Variants in PTP4A1 observed in about 807,000 individuals in gnomAD.
PTP4A1 encodes protein tyrosine phosphatase 4A1.
PTP4A1 carries 9 observed loss-of-function variants against 20.5 expected under a neutral mutation model. The observed-to-expected ratio is 0.44, with a 90% CI of 0.26 to 0.77. The LOEUF (loss-of-function observed/expected upper bound fraction) is 0.77, where lower values mean the gene tolerates loss of function less well. Among genes scored for constraint, PTP4A1 ranks in the 30% least tolerant of loss-of-function variants. The pLI, the probability that PTP4A1 is intolerant of heterozygous loss-of-function variation, is 0.19. For synonymous variants in PTP4A1, 78 were observed against 67.4 expected, an observed-to-expected ratio of 1.16 and a Z score of -0.77; for missense variants, 137 against 218.8, an observed-to-expected ratio of 0.63 and a Z score of 2.36.
At chr6:63,533,580 G>C (rs924722707) in intron 2 of PTP4A1, among the ~76,000 whole-genome samples, 1 of 152,082 alleles carries the variant, frequency 6.6e-6, no homozygotes, top group Non-Finnish European at 1.5e-5. Flanking sequence ...TGAATACAAA[G>C]CTATTTAACT....
chr6:63,562,052 A>T (rs996564761), intron 3 of PTP4A1, among the ~76,000 whole-genome samples: 5 of 152,220 alleles, frequency 3.3e-5, no homozygotes, highest in African/African-American at 1.2e-4. Context: ...GTTTATCATC[A>T]CATCACCCAG....
At chr6:63,542,021 T>TGG (rs1400790512) in intron 2 of PTP4A1, among the ~76,000 whole-genome samples, 1 of 88,912 alleles carries the variant, frequency 1.1e-5, no homozygotes, top group Non-Finnish European at 2.1e-5. Flanking sequence ...AAAGAAACTG[T>TGG]GGTGTGTGTG....
At chr6:63,546,495 A>G (rs1275520629) in intron 2 of PTP4A1, among the ~76,000 whole-genome samples, 1 of 152,156 alleles carries the variant, frequency 6.6e-6, no homozygotes. Context: ...CACTTGAGGC[A>G]AGGAGTTCGA....
At chr6:63,520,796 T>C (rs1342028627), upstream of PTP4A1, among the ~76,000 whole-genome samples, 1 of 152,174 alleles carries the variant, frequency 6.6e-6, no homozygotes, top group Non-Finnish European at 1.5e-5. Context: ...TTTTTAATTT[T>C]TTGCCTTGTA....
chr6:63,522,830 C>T (rs552181805), intron 1 of PTP4A1, among the ~76,000 whole-genome samples: 2 of 149,292 alleles, frequency 1.3e-5, no homozygotes, highest in Non-Finnish European at 3.0e-5. Context: ...ACTTTGAGGT[C>T]GTGAAATGAT....
In PTP4A1 at chr6:63,535,738, A is replaced by T. The variant is rs1160429313; in HGVS notation, c.-640+7654A>T. Among the ~76,000 whole-genome samples, 6 of 152,322 alleles carry T rather than the reference A, an allele frequency of 3.9e-5. No homozygotes were observed. The East Asian group carries it at 9.7e-4, about 25-fold the overall frequency. On this transcript the variant is annotated intron_variant, in intron 2 of 3. Transcript: ENST00000639568. The stretch of plus-strand genomic sequence containing the variant: ...TGTGCCTTTGTGATATCAAAGGATC[A>T]CAAAGCTGACAGCCTTCCGGAAGAT...
At chr6:63,529,823 A>C (rs963918733) in intron 2 of PTP4A1, among the ~76,000 whole-genome samples, 2 of 152,194 alleles carry the variant, frequency 1.3e-5, no homozygotes, top group African/African-American at 2.4e-5. Context: ...TACGTGCGTA[A>C]GAGGAATTGG....
chr6:63,575,354 A>AC (rs1777786627), intron 1 of PTP4A1, among the ~76,000 whole-genome samples: 1 of 152,242 alleles, frequency 6.6e-6, no homozygotes, highest in Non-Finnish European at 1.5e-5. Context: ...ACTCCCGAGT[A>AC]CACAAGTACC....
At chr6:63,531,670 T>C (rs1429145268) in intron 2 of PTP4A1, among the ~76,000 whole-genome samples, 1 of 151,982 alleles carries the variant, frequency 6.6e-6, no homozygotes, top group East Asian at 1.9e-4. Flanking sequence ...TTCATACTTT[T>C]TTGTAGGGAT....
chr6:63,576,573 A>G lies in PTP4A1; in HGVS notation c.-308A>G, dbSNP rs1201643459. ...ACTGCTCCACCAAGAAGCCCCCATA[A>G]GAGTGGTTATCCTGGACACAGAAGT... On this transcript the variant is annotated 5_prime_UTR_variant, in exon 2 of 6. Transcript: ENST00000626021. 2.2e-6 allele frequency: 1 copy of G among 456,522 alleles called. No homozygotes were observed. The highest frequency in any genetic ancestry group is 3.8e-6 in the Non-Finnish European group (1 of 260,410). 28.3% of individuals were successfully genotyped at this position (456,522 alleles called of 1,614,324 possible). A position where few individuals can be genotyped will look rare whatever the true frequency, so the allele number is the denominator to read the frequency against.
At chr6:63,568,187 C>T (rs1281653181), upstream of PTP4A1, among the ~76,000 whole-genome samples, 2 of 152,216 alleles carry the variant, frequency 1.3e-5, no homozygotes, top group Non-Finnish European at 2.9e-5. Context: ...GCATTCACAA[C>T]TTGACTGTTT....
intron 2 of PTP4A1, among the ~76,000 whole-genome samples, chr6:63,531,284 T>C (rs1460131475): frequency 6.6e-6 from 1 of 152,102 alleles, no homozygotes; most frequent in Non-Finnish European, 1.5e-5. Flanking sequence ...TAGTGGGGAA[T>C]AGATGGAATG....
upstream of PTP4A1, among the ~76,000 whole-genome samples, chr6:63,520,630 C>CAAAT (rs201294226): frequency 0.14 from 18,944 of 138,884 alleles, 1,318 homozygotes; most frequent in South Asian, 0.2. Flanking sequence ...GACTCTGTCT[C>CAAAT]AAATAAATAA....
At chr6:63,527,552 A>C (rs1436926999) in intron 1 of PTP4A1, among the ~76,000 whole-genome samples, 1 of 152,192 alleles carries the variant, frequency 6.6e-6, no homozygotes, top group Admixed American at 6.5e-5. Context: ...TTATAAAATA[A>C]TATTTTCACT....
intron 1 of PTP4A1, among the ~76,000 whole-genome samples, chr6:63,523,905 T>G (rs1775048570): frequency 6.6e-6 from 1 of 152,194 alleles, no homozygotes; most frequent in Non-Finnish European, 1.5e-5. Context: ...AATGTTTTAT[T>G]GTCATTCTCA....
intron 2 of PTP4A1, among the ~76,000 whole-genome samples, chr6:63,542,243 A>G (rs2149484598): frequency 6.6e-6 from 1 of 152,216 alleles, no homozygotes; most frequent in Non-Finnish European, 1.5e-5. Flanking sequence ...AGGCATAGGA[A>G]TGACACAATG....
chr6:63,560,046 T>C (rs2149495064), intron 3 of PTP4A1, among the ~76,000 whole-genome samples: 1 of 152,312 alleles, frequency 6.6e-6, no homozygotes, highest in Non-Finnish European at 1.5e-5. Flanking sequence ...CCCACGGTAA[T>C]GCATTTCATA....
rs540329680 is a variant in PTP4A1, at chr6:63,549,545, T to C, written c.-639-755T>C. On this transcript the variant is annotated intron_variant, in intron 2 of 3. Transcript: ENST00000639568. Reference sequence around the variant, plus strand: ...CTGATTTAATTATTTTTAAAGGTGATAAATGTTGACAAGATTTGAAGTTTT... The same window carrying C: ...CTGATTTAATTATTTTTAAAGGTGACAAATGTTGACAAGATTTGAAGTTTT... The C allele has an allele frequency of 9.4e-5, 59 of 627,418 alleles. No homozygotes were observed. In the Middle Eastern group the frequency reaches 2.1e-3, roughly 23 times the overall value. 38.9% of individuals were successfully genotyped at this position (627,418 alleles called of 1,614,324 possible).
At chr6:63,554,121 A>G (rs1776566591) in intron 3 of PTP4A1, among the ~76,000 whole-genome samples, 1 of 152,218 alleles carries the variant, frequency 6.6e-6, no homozygotes, top group South Asian at 2.1e-4. Flanking sequence ...ATTCAAAGTA[A>G]CAGATGGTAG....
Sources: allele counts gnomAD v4.1 joint callset (sites outside exome capture counted in the v4.1 genomes callset), GRCh38; gene constraint gnomAD v4.1.1; transcripts MANE v1.5; gene names NCBI Gene and HGNC (gene_info 2026-07-23, HGNC 2026-07-21).